Variants in FBXW8 observed in about 807,000 individuals in gnomAD.
FBXW8 encodes F-box/WD repeat-containing protein 8.
Under a neutral mutation model 65.3 loss-of-function variants are expected in FBXW8, and 57 were observed. The ratio of observed to expected loss-of-function variants is 0.87; its 90% CI spans 0.71 to 1.09. The LOEUF is 1.09. Among genes scored for constraint, FBXW8 ranks in the 50% least tolerant of loss-of-function variants. FBXW8 has a pLI of 0.00. For synonymous variants in FBXW8, 308 were observed against 330.2 expected, an observed-to-expected ratio of 0.93 and a Z score of 0.73; for missense variants, 777 against 814.8, an observed-to-expected ratio of 0.95 and a Z score of 0.57.
chr12:117,010,906 G>C (rs750459954), intron 8 of FBXW8, among the ~76,000 whole-genome samples: 1 of 152,224 alleles, frequency 6.6e-6, no homozygotes, highest in African/African-American at 2.4e-5. Flanking sequence ...GAAGGAAAGA[G>C]AGACTTCATG....
At chr12:116,959,421 C>T (rs958807042) in intron 4 of FBXW8, among the ~76,000 whole-genome samples, 1 of 152,136 alleles carries the variant, frequency 6.6e-6, no homozygotes, top group African/African-American at 2.4e-5. Flanking sequence ...ATTTTGATCC[C>T]AGCTGTGCCA....
rs1413024243 is a variant in FBXW8 at position 116,918,304 on chromosome 12, G to A, written c.318+6949G>A. 3.3e-5 allele frequency among the ~76,000 whole-genome samples: 5 copies of A among 152,310 alleles called. No individual in the cohort carries two copies. In the East Asian group the frequency reaches 9.6e-4, roughly 29 times the overall value. On this transcript the variant is annotated intron_variant, in intron 1 of 10. Transcript: ENST00000652555. The stretch of plus-strand genomic sequence containing the variant: ...TGCTGCTTTCTTCAGTGGAGTGGCT[G>A]TGATACCAACTTGCTTGGGCTCCAT...
intron 2 of FBXW8, among the ~76,000 whole-genome samples, chr12:116,935,114 T>C (rs1341179644): frequency 6.6e-6 from 1 of 152,128 alleles, no homozygotes; most frequent in East Asian, 1.9e-4. Context: ...GTCATGTTTA[T>C]CAAGTAAAAG....
intron 2 of FBXW8, among the ~76,000 whole-genome samples, chr12:116,933,183 G>C (rs1190199389): frequency 1.3e-5 from 2 of 152,226 alleles, no homozygotes; most frequent in Non-Finnish European, 2.9e-5. Context: ...GTAGCTAAAT[G>C]AGGCCAATTC....
chr12:116,990,467 A>G (rs1234219307), intron 7 of FBXW8, among the ~76,000 whole-genome samples: 1 of 151,914 alleles, frequency 6.6e-6, no homozygotes, highest in African/African-American at 2.4e-5. Context: ...TGGTGAGCTC[A>G]TTTGTTGAGA....
At chr12:117,024,941 C>T (rs1954189898) in intron 9 of FBXW8, among the ~76,000 whole-genome samples, 1 of 152,246 alleles carries the variant, frequency 6.6e-6, no homozygotes. Context: ...ATCCTAAGCA[C>T]AGGCTGATGG....
intron 3 of FBXW8, 166 bp from the exon 4 acceptor site, chr12:116,949,452 C>G (rs1394475674): frequency 1.5e-6 from 1 of 645,666 alleles, no homozygotes; most frequent in Non-Finnish European, 2.8e-6. Flanking sequence ...AACAGCTTAG[C>G]ATGTTAGTCA....
chr12:116,914,034 G>A (rs7302713), intron 1 of FBXW8, among the ~76,000 whole-genome samples: 10,803 of 152,172 alleles, frequency 0.071, 998 homozygotes, highest in African/African-American at 0.22. Flanking sequence ...CACTTTGGAG[G>A]CCAAGCCAGG....
intron 1 of FBXW8, among the ~76,000 whole-genome samples, chr12:116,916,115 G>C (rs543658587): frequency 6.6e-6 from 1 of 152,178 alleles, no homozygotes; most frequent in Non-Finnish European, 1.5e-5. Context: ...GATGGGAATT[G>C]TTGCTAGTTT....
rs181237278 is a variant in FBXW8 at position 117,008,297 on chromosome 12, G to A, written c.1240-2026G>A. On this transcript the variant is annotated intron_variant, in intron 7 of 10. Transcript: ENST00000652555. ...CAGAATACTACTTTTATAATAGAAC[G>A]TGAGGTTGCTCTTTTTATTTTCTCC... 5.9e-5 allele frequency among the ~76,000 whole-genome samples: 9 copies of A among 152,220 alleles called. No homozygotes were observed. In the East Asian group the frequency reaches 1.4e-3, roughly 23 times the overall value.
intron 8 of FBXW8, among the ~76,000 whole-genome samples, chr12:117,023,584 A>T (rs1954151432): frequency 6.6e-6 from 1 of 152,242 alleles, no homozygotes; most frequent in Non-Finnish European, 1.5e-5. Context: ...TCAATAAGTG[A>T]CTGCCCAGGG....
rs75122853 is a variant in FBXW8, at chr12:116,954,848, C to G, written c.677+5142C>G. ...GTTAGTGCTGTACATAGTGAGAGCC[C>G]GTGCCTCCTGCCCCTCTTCCTTCCT... is the stretch of plus-strand genomic sequence containing the variant. On this transcript the variant is annotated intron_variant, in intron 4 of 10. Coordinates refer to ENST00000652555, the MANE Select transcript of FBXW8 (RefSeq NM_153348.3). 2.5e-3 allele frequency among the ~76,000 whole-genome samples: 383 copies of G among 152,240 alleles called. 2 individuals are homozygous for G. The highest frequency in any genetic ancestry group is 8.6e-3 in the African/African-American group (358 of 41,554).
chr12:116,932,892 G>A (rs1881882868), intron 2 of FBXW8, among the ~76,000 whole-genome samples: 1 of 152,122 alleles, frequency 6.6e-6, no homozygotes, highest in African/African-American at 2.4e-5. Flanking sequence ...ATATGAATTT[G>A]AAAGAATTTT....
intron 2 of FBXW8, among the ~76,000 whole-genome samples, chr12:116,932,102 G>A (rs761270391): frequency 6.6e-5 from 10 of 152,074 alleles, no homozygotes; most frequent in African/African-American, 2.2e-4. Flanking sequence ...TGATCACATC[G>A]TTTTTCTCCT....
chr12:116,950,689 T>C (rs1165924112), intron 4 of FBXW8: 2 of 152,234 alleles, frequency 1.3e-5, no homozygotes, highest in African/African-American at 4.8e-5. Flanking sequence ...TTCTTCAGTT[T>C]CTGTTTCACT....
intron 4 of FBXW8, among the ~76,000 whole-genome samples, chr12:116,952,592 A>G (rs1320466442): frequency 1.3e-5 from 2 of 152,188 alleles, no homozygotes; most frequent in African/African-American, 2.4e-5. Context: ...TACAGCTGAC[A>G]GGGCAACTCA....
chr12:116,968,283 A>AT (rs1425329367), intron 5 of FBXW8, among the ~76,000 whole-genome samples: 1 of 152,156 alleles, frequency 6.6e-6, no homozygotes, highest in African/African-American at 2.4e-5. Context: ...AAGTAACCAT[A>AT]TTTTTTACTT....
chr12:116,981,737 CTGAG>C (rs1337431389), intron 5 of FBXW8, among the ~76,000 whole-genome samples: 3 of 152,130 alleles, frequency 2.0e-5, no homozygotes, highest in African/African-American at 7.2e-5. Context: ...CGTCAGCCTC[CTGAG>C]TATCTGGGAT....
chr12:116,983,355 C>G (rs1885449657), intron 5 of FBXW8, among the ~76,000 whole-genome samples: 1 of 152,152 alleles, frequency 6.6e-6, no homozygotes, highest in African/African-American at 2.4e-5. Flanking sequence ...GCTGTGGAAC[C>G]TTTTGTGATC....
Sources: allele counts gnomAD v4.1 joint callset (sites outside exome capture counted in the v4.1 genomes callset), GRCh38; gene constraint gnomAD v4.1.1; transcripts MANE v1.5; gene names NCBI Gene and HGNC (gene_info 2026-07-23, HGNC 2026-07-21).